Variants in FHIT observed in about 807,000 individuals in gnomAD.
FHIT encodes the protein bis(5'-adenosyl)-triphosphatase.
FHIT carries 19 observed loss-of-function variants against 17.9 expected under a neutral mutation model. That is an observed-to-expected ratio of 1.06 (90% CI 0.74 to 1.56). FHIT has a LOEUF of 1.56. Ranked by LOEUF, FHIT falls within the 40% of genes most tolerant of loss-of-function variation. The probability of loss-of-function intolerance (pLI) is 0.00; values close to 1 mark genes in which losing one functional copy is unlikely to be tolerated. For synonymous variants in FHIT, 81 were observed against 69.7 expected (o/e 1.16, Z -0.81); for missense variants, 248 against 189.2 (o/e 1.31, Z -1.82).
intron 4 of FHIT, among the ~76,000 whole-genome samples, chr3:60,567,818 A>C (rs895539531): frequency 6.6e-6 from 1 of 152,240 alleles, no homozygotes; most frequent in African/African-American, 2.4e-5. Flanking sequence ...ACACTTCTCA[A>C]AAGAAGACAT....
intron 5 of FHIT, among the ~76,000 whole-genome samples, chr3:60,314,376 C>A (rs769986121): frequency 6.6e-6 from 1 of 151,816 alleles, no homozygotes; most frequent in Non-Finnish European, 1.5e-5. Flanking sequence ...AACTGTAGGC[C>A]GTGAATGATT....
chr3:61,206,410 T>G (rs201162508), intron 1 of FHIT, among the ~76,000 whole-genome samples: 59,823 of 143,654 alleles, frequency 0.42, 12,997 homozygotes, highest in East Asian at 0.56. Context: ...ACCTTGGGCA[T>G]TATGGCCATT....
chr3:60,876,900 T>A (rs1553756647), intron 3 of FHIT, among the ~76,000 whole-genome samples: 2 of 152,168 alleles, frequency 1.3e-5, no homozygotes, highest in East Asian at 3.9e-4. Flanking sequence ...ACAAAGAGAA[T>A]GGAAGGAAAC....
intron 2 of FHIT, among the ~76,000 whole-genome samples, chr3:61,192,340 G>A (rs1349780278): frequency 6.6e-6 from 1 of 152,176 alleles, no homozygotes; most frequent in Non-Finnish European, 1.5e-5. Context: ...CAAAATAATT[G>A]ACAGTGCTTA....
At chr3:60,743,911 T>C (rs1553714543) in intron 4 of FHIT, among the ~76,000 whole-genome samples, 2 of 152,122 alleles carry the variant, frequency 1.3e-5, no homozygotes, top group African/African-American at 4.8e-5. Context: ...TGGAGGAGAA[T>C]TCTGATTCCA....
intron 5 of FHIT, among the ~76,000 whole-genome samples, chr3:60,150,847 A>T (rs1700434170): frequency 6.6e-6 from 1 of 151,804 alleles, no homozygotes; most frequent in South Asian, 2.1e-4. Context: ...TGAACCCAGG[A>T]GGCAGAGGTT....
chr3:60,042,971 T>G (rs1443012301), intron 5 of FHIT, among the ~76,000 whole-genome samples: 3 of 152,302 alleles, frequency 2.0e-5, no homozygotes, highest in Admixed American at 2.0e-4. Flanking sequence ...CAAGGCATTA[T>G]GCATGGCACT....
intron 3 of FHIT, among the ~76,000 whole-genome samples, chr3:60,957,519 G>A (rs1405447655): frequency 1.3e-4 from 20 of 150,816 alleles, no homozygotes; most frequent in Admixed American, 9.9e-4. Context: ...TTACAGGCGT[G>A]AGCCATGGCG....
Position 60,536,920 on chromosome 3 carries a change from C to G in FHIT, c.43G>C (p.Val15Leu). The change falls in exon 5 of 10, where the codon GTG (valine) becomes CTG (leucine). Residue 15 changes from valine (V) to leucine (L), a missense_variant. Physicochemically the swap from Val to Leu is conservative, Grantham distance 32 (BLOSUM62 1). Transcript: ENST00000492590. ...FGQHLIKPSV[V>L]FLKTELSFAL... ...AAGGACAGTTCTGTTTTGAGAAACA[C>G]TACAGAGGGCTTGATGAGATGTTGG... The G allele has an allele frequency of 3.1e-6, 5 of 1,613,152 alleles. No individual in the cohort carries two copies. Among genetic ancestry groups the G allele is most frequent in the Non-Finnish European group, 4.2e-6 (5 of 1,179,522 alleles).
At chr3:60,916,407 T>C (rs1553767099) in intron 3 of FHIT, among the ~76,000 whole-genome samples, 1 of 152,190 alleles carries the variant, frequency 6.6e-6, no homozygotes, top group African/African-American at 2.4e-5. Context: ...ATTGAAGGAA[T>C]TCCAAAACAA....
intron 4 of FHIT, among the ~76,000 whole-genome samples, chr3:60,767,308 C>T (rs981045202): frequency 6.6e-6 from 1 of 152,138 alleles, no homozygotes; most frequent in African/African-American, 2.4e-5. Context: ...GATAAAGACA[C>T]CACAATGATG....
intron 1 of FHIT, among the ~76,000 whole-genome samples, chr3:61,231,792 T>C (rs2040108938): frequency 6.6e-6 from 1 of 151,866 alleles, no homozygotes; most frequent in Non-Finnish European, 1.5e-5. Flanking sequence ...ACAAGTGCTA[T>C]GGAAAAAAGA....
At chr3:60,147,274 C>G (rs1700279331) in intron 5 of FHIT, among the ~76,000 whole-genome samples, 1 of 152,176 alleles carries the variant, frequency 6.6e-6, no homozygotes, top group Non-Finnish European at 1.5e-5. Context: ...TTTGCAGAAA[C>G]CATCTCACCT....
At chr3:60,587,988 C>A (rs1179867377) in intron 4 of FHIT, among the ~76,000 whole-genome samples, 1 of 151,772 alleles carries the variant, frequency 6.6e-6, no homozygotes, top group Non-Finnish European at 1.5e-5. Flanking sequence ...ACTCTTCTGT[C>A]ATGCCTTTTC....
intron 3 of FHIT, among the ~76,000 whole-genome samples, chr3:60,864,681 C>G (rs1008710649): frequency 1.3e-5 from 2 of 152,096 alleles, no homozygotes; most frequent in African/African-American, 4.8e-5. Context: ...GAATTTCGTT[C>G]TAAAGCTATC....
intron 5 of FHIT, among the ~76,000 whole-genome samples, chr3:60,148,966 T>A: frequency 6.6e-6 from 1 of 152,196 alleles, no homozygotes; most frequent in Non-Finnish European, 1.5e-5. Flanking sequence ...TGAACAGTAA[T>A]CCTTTGAGCA....
intron 4 of FHIT, among the ~76,000 whole-genome samples, chr3:60,807,900 C>G (rs1446600996): frequency 6.6e-6 from 1 of 151,894 alleles, no homozygotes; most frequent in African/African-American, 2.4e-5. Flanking sequence ...GGGAGGTGTA[C>G]CTTAAATAAG....
intron 5 of FHIT, among the ~76,000 whole-genome samples, chr3:60,330,623 C>T (rs565764065): frequency 3.3e-5 from 5 of 152,250 alleles, no homozygotes; most frequent in Admixed American, 6.5e-5. Context: ...ACACCAAACC[C>T]GTTTCTAGAA....
chr3:60,761,194 C>CA (rs1553719769), intron 4 of FHIT, among the ~76,000 whole-genome samples: 2 of 151,996 alleles, frequency 1.3e-5, no homozygotes, highest in Non-Finnish European at 2.9e-5. Flanking sequence ...ATTAGAATTG[C>CA]AAAAATTCCA....
Sources: gnomAD v4.1 joint callset for allele counts (sites outside exome capture counted in the v4.1 genomes callset) on GRCh38, gnomAD v4.1.1 for gene constraint, MANE v1.5 for transcripts, NCBI Gene and HGNC (gene_info 2026-07-23, HGNC 2026-07-21) for gene names.